The following AMPH variants were observed in gnomAD, a reference collection of about 807,000 sequenced individuals.
The protein encoded by AMPH is amphiphysin.
Under a neutral mutation model 99.1 loss-of-function variants are expected in AMPH, and 49 were observed. The observed-to-expected ratio is 0.49, with a 90% CI of 0.39 to 0.63. The LOEUF (loss-of-function observed/expected upper bound fraction) is 0.63, where lower values mean the gene tolerates loss of function less well. AMPH is among the 20% of genes least tolerant of loss of function. The pLI is 0.00. For missense variants in AMPH, 759 were observed against 863.4 expected (o/e 0.88, Z 1.52); for synonymous variants, 314 against 317.3 (o/e 0.99, Z 0.11).
chr7:38,443,404 C>A (rs1001240247), intron 11 of AMPH, among the ~76,000 whole-genome samples: 4 of 151,874 alleles, frequency 2.6e-5, no homozygotes, highest in African/African-American at 9.7e-5. Context: ...TTAAAAAAAA[C>A]CTATAAATTA....
chr7:38,496,414 A>G (rs1012111014), intron 3 of AMPH, among the ~76,000 whole-genome samples: 1 of 152,258 alleles, frequency 6.6e-6, no homozygotes, highest in East Asian at 1.9e-4. Flanking sequence ...GAAGCCCTTG[A>G]CAATGAGGTG....
intron 1 of AMPH, among the ~76,000 whole-genome samples, chr7:38,582,753 C>T (rs1350653430): frequency 6.6e-6 from 1 of 152,150 alleles, no homozygotes; most frequent in African/African-American, 2.4e-5. Flanking sequence ...TATAGCAAAG[C>T]TTTAGCCTCA....
At chr7:38,545,277 A>T (rs1021413218) in intron 1 of AMPH, among the ~76,000 whole-genome samples, 2 of 152,086 alleles carry the variant, frequency 1.3e-5, no homozygotes, top group Non-Finnish European at 2.9e-5. Context: ...CCTCCATCAG[A>T]TCTGCTAATA....
At chr7:38,394,879 T>A (rs1413394754) in intron 17 of AMPH, among the ~76,000 whole-genome samples, 2 of 152,190 alleles carry the variant, frequency 1.3e-5, no homozygotes, top group Non-Finnish European at 2.9e-5. Context: ...TTTAAAAAAA[T>A]TATTTCCTTC....
At chr7:38,513,939 A>G (rs1283378509) in intron 2 of AMPH, among the ~76,000 whole-genome samples, 1 of 151,872 alleles carries the variant, frequency 6.6e-6, no homozygotes, top group Non-Finnish European at 1.5e-5. Flanking sequence ...TGTTCTTTTG[A>G]CCCTCACTCC....
At position 38,384,340 on chromosome 7, in the gene AMPH, T is replaced by C. The variant is rs920982491; in HGVS notation, c.*478A>G. 1.3e-5 allele frequency: 2 copies of C among 158,258 alleles called. No homozygotes were observed. The highest frequency in any genetic ancestry group is 4.8e-5 in the African/African-American group (2 of 41,512). The allele number at this position is 158,258 out of a possible 1,614,324, so 9.8% of individuals were successfully genotyped here. A position where few individuals can be genotyped will look rare whatever the true frequency, so the allele number is the denominator to read the frequency against. On this transcript the variant is annotated 3_prime_UTR_variant, in exon 21 of 21. Transcript: ENST00000356264. ...TATATAGATGTGTTGGAAAAGAACA[T>C]TGAGAACTTTTGCAGCAGTTTAGTT...
chr7:38,460,010 C>T (rs1189070972), intron 11 of AMPH, among the ~76,000 whole-genome samples: 1 of 151,772 alleles, frequency 6.6e-6, no homozygotes, highest in Non-Finnish European at 1.5e-5. Context: ...CAAATAATCC[C>T]ATGAAAAAGT....
chr7:38,426,926 G>A, intron 15 of AMPH, 28 bp downstream of exon 15: 1 of 1,606,924 alleles, frequency 6.2e-7, no homozygotes, highest in South Asian at 1.1e-5. Context: ...CTCAGCAGAT[G>A]GATCTTGTAA....
chr7:38,571,320 GAATA>G (rs1359450087), intron 1 of AMPH, among the ~76,000 whole-genome samples: 2 of 76,444 alleles, frequency 2.6e-5, no homozygotes, highest in African/African-American at 1.1e-4. Flanking sequence ...TTTATATATA[GAATA>G]TATATATTTA....
chr7:38,543,623 T>C (rs556147507), intron 1 of AMPH, among the ~76,000 whole-genome samples: 6 of 152,332 alleles, frequency 3.9e-5, no homozygotes, highest in African/African-American at 1.4e-4. Flanking sequence ...ATGATTGTGT[T>C]CATCTTACTG....
At chr7:38,556,243 C>A (rs1034018415) in intron 1 of AMPH, among the ~76,000 whole-genome samples, 4 of 152,078 alleles carry the variant, frequency 2.6e-5, no homozygotes, top group Non-Finnish European at 5.9e-5. Flanking sequence ...AAAATGTGAT[C>A]GAATTCCTGC....
Position 38,394,931 on chromosome 7 carries a change from T to C in AMPH, c.1399-717A>G, listed in dbSNP as rs139749678. ...CTTTAAATACTGAAGTTCTCAAAAC[T>C]CTCTTCAGAAAAAGCACACGTCACA... On this transcript the variant is annotated intron_variant, in intron 17 of 20. Transcript: ENST00000356264. 1.8e-3 allele frequency among the ~76,000 whole-genome samples: 274 copies of C among 152,292 alleles called. 1 individual carries two copies. Among genetic ancestry groups the C allele is most frequent in the African/African-American group, 6.5e-3 (268 of 41,548 alleles).
At chr7:38,598,065 A>G (rs1419670808) in intron 1 of AMPH, among the ~76,000 whole-genome samples, 1 of 152,206 alleles carries the variant, frequency 6.6e-6, no homozygotes, top group Non-Finnish European at 1.5e-5. Context: ...TGTTGGCCCA[A>G]ATAGATTTAT....
chr7:38,530,388 C>G (rs1346815807), intron 2 of AMPH, among the ~76,000 whole-genome samples: 2 of 152,174 alleles, frequency 1.3e-5, no homozygotes, highest in African/African-American at 2.4e-5. Flanking sequence ...TAGCCTATCA[C>G]TCAGTCGTGG....
In AMPH at chr7:38,416,029, G is replaced by T. The variant is rs147335721; in HGVS notation, c.1398+1796C>A. On this transcript the variant is annotated intron_variant, in intron 17 of 20. Coordinates refer to ENST00000356264, the MANE Select transcript of AMPH (RefSeq NM_001635.4). ...CATGAGGGAAGCTGGTTTGAGTGAT[G>T]GTTGGTGCCTGTGCCACAGGGTGTT... Among the ~76,000 whole-genome samples the T allele has an allele frequency of 5.4e-3, 808 of 148,806 alleles. 10 individuals are homozygous for T. Among genetic ancestry groups the T allele is most frequent in the African/African-American group, 0.019 (760 of 40,478 alleles).
chr7:38,492,634 C>G (rs1000605485), intron 4 of AMPH, among the ~76,000 whole-genome samples: 3 of 152,186 alleles, frequency 2.0e-5, no homozygotes, highest in Non-Finnish European at 2.9e-5. Flanking sequence ...AGTAGACCCT[C>G]TGAACATGCA....
chr7:38,515,818 G>A (rs1314657119), intron 2 of AMPH, among the ~76,000 whole-genome samples: 1 of 152,234 alleles, frequency 6.6e-6, no homozygotes, highest in Admixed American at 6.5e-5. Context: ...AGTCAATGAA[G>A]TCCAGGCTGA....
chr7:38,476,382 A>G (rs936870222), intron 6 of AMPH, among the ~76,000 whole-genome samples: 2 of 152,254 alleles, frequency 1.3e-5, no homozygotes, highest in African/African-American at 4.8e-5. Context: ...GGGTATAGTT[A>G]GGAGGTGACT....
At chr7:38,574,722 G>T (rs1390404227) in intron 1 of AMPH, among the ~76,000 whole-genome samples, 1 of 151,882 alleles carries the variant, frequency 6.6e-6, no homozygotes, top group East Asian at 1.9e-4. Flanking sequence ...TTTTTTCTAG[G>T]CCTTCCAAAT....
Sources: allele counts gnomAD v4.1 joint callset (sites outside exome capture counted in the v4.1 genomes callset), GRCh38; gene constraint gnomAD v4.1.1; transcripts MANE v1.5; gene names NCBI Gene and HGNC (gene_info 2026-07-23, HGNC 2026-07-21).